TEX51: variants seen among roughly 807,000 people sequenced by gnomAD.
TEX51 encodes testis expressed 51, also known as testis-expressed protein 51.
Under a neutral mutation model 8.0 loss-of-function variants are expected in TEX51, and 14 were observed. The ratio of observed to expected loss-of-function variants is 1.76; its 90% confidence interval spans 1.16 to 2.75. The LOEUF is 2.75. Ranked by LOEUF, TEX51 falls within the 30% of genes most tolerant of loss-of-function variation. The pLI, the probability that TEX51 is intolerant of heterozygous loss-of-function variation, is 0.00. For missense variants in TEX51, 142 were observed against 77.4 expected, an observed-to-expected ratio of 1.83 and a Z score of -3.13; for synonymous variants, 58 against 28.6, an observed-to-expected ratio of 2.03 and a Z score of -3.29.
chr2:126,899,744 C>T (rs1010803269), intron 3 of TEX51, 132 bp downstream of exon 3: 7 of 700,404 alleles, frequency 1.0e-5, no homozygotes, highest in East Asian at 5.4e-5. Flanking sequence ...AATGCCTTCC[C>T]GGCTCCATCT....
intron 4 of TEX51, among the ~76,000 whole-genome samples, chr2:126,900,355 C>T (rs535262308): frequency 7.4e-4 from 111 of 150,340 alleles, no homozygotes; most frequent in African/African-American, 2.6e-3. Context: ...GATCATGCCA[C>T]TGCACTCCAG....
At chr2:126,901,137 T>C in intron 4 of TEX51, 73 bp from the exon 5 acceptor site, 2 of 600,034 alleles carry the variant, frequency 3.3e-6, no homozygotes. Context: ...AATGAGAGGA[T>C]GGTGGCCTTC....
intron 5 of TEX51, 28 bp downstream of exon 5, chr2:126,901,306 G>A (rs1278948363): frequency 1.4e-6 from 1 of 701,240 alleles, no homozygotes; most frequent in Non-Finnish European, 2.6e-6. Context: ...CCAAGCCCCA[G>A]CATCCCCAGG....
Position 126,899,601 on chromosome 2 carries a change from T to C in TEX51, c.299T>C (p.Leu100Pro). 1.4e-6 allele frequency: 1 copy of C among 701,962 alleles called. No homozygotes were observed. Among genetic ancestry groups the C allele is most frequent in the African/African-American group, 1.7e-5 (1 of 57,322 alleles). 43.5% of individuals were successfully genotyped at this position (701,962 alleles called of 1,614,324 possible). A position where few individuals can be genotyped will look rare whatever the true frequency, so the allele number is the denominator to read the frequency against. ...TERLNKISDGLKEKDIQSTLK... is the reference protein window; with the variant it reads ...TERLNKISDGPKEKDIQSTLK... ...AGGCTGAATAAGATATCTGATGGGC[T>C]GAAGGAGAAGGGTAAGGGGTGGGGA... Residue 100 changes from leucine to proline, a missense_variant, in exon 3 of 7, where the codon CTG (leucine) becomes CCG (proline). Leu to Pro is a moderately conservative substitution (Grantham distance 98). Transcript: ENST00000568484.
chr2:126,900,754 G>T (rs367593995), intron 4 of TEX51, among the ~76,000 whole-genome samples: 4 of 152,114 alleles, frequency 2.6e-5, no homozygotes, highest in African/African-American at 9.7e-5. Context: ...ACCAGCAGTG[G>T]TTCCCAAATG....
At chr2:126,900,097 C>CT in intron 4 of TEX51, 78 bp downstream of exon 4, 1 of 693,624 alleles carries the variant, frequency 1.4e-6, no homozygotes, top group South Asian at 1.5e-5. Flanking sequence ...CTGTCATTCT[C>CT]TTTTGCCCAA....
chr2:126,899,517 A>G lies in TEX51; in HGVS notation c.221-6A>G. On this transcript the variant is annotated splice_polypyrimidine_tract_variant and splice_region_variant and intron_variant, in intron 2 of 6. Coordinates refer to ENST00000568484, the MANE Select transcript of TEX51 (RefSeq NM_001322244.2). ...CTGAACACCCCTTCCCTCCTGCTCT[A>G]CCCAGATAAAACAGTACTTCTGGAA... is the stretch of plus-strand genomic sequence containing the variant. The G allele has an allele frequency of 1.4e-6, 1 of 694,684 alleles. No individual in the cohort carries two copies. The allele number at this position is 694,684 out of a possible 1,614,324, so 43.0% of individuals were successfully genotyped here. A position where few individuals can be genotyped will look rare whatever the true frequency, so the allele number is the denominator to read the frequency against.
At chr2:126,900,931 G>A (rs1680297098) in intron 4 of TEX51, among the ~76,000 whole-genome samples, 1 of 152,166 alleles carries the variant, frequency 6.6e-6, no homozygotes, top group Non-Finnish European at 1.5e-5. Flanking sequence ...TCAGACTCCT[G>A]TTTTCTAAGA....
chr2:126,899,802 C>A, intron 3 of TEX51, 134 bp from the exon 4 acceptor site: 1 of 702,232 alleles, frequency 1.4e-6, no homozygotes, highest in Non-Finnish European at 2.6e-6. Context: ...TCCCCAGCAC[C>A]TCAGTTTCTC....
In TEX51 at chr2:126,898,947, T is replaced by C. The variant is rs1229692420; in HGVS notation, c.29T>C (p.Leu10Pro). 4 of 701,064 alleles carry C rather than the reference T, an allele frequency of 5.7e-6. No individual in the cohort carries two copies. Among genetic ancestry groups the C allele is most frequent in the South Asian group, 4.4e-5 (3 of 67,538 alleles). 43.4% of individuals were successfully genotyped at this position (701,064 alleles called of 1,614,324 possible). A position where few individuals can be genotyped will look rare whatever the true frequency, so the allele number is the denominator to read the frequency against. Reference protein sequence around the residue: MLPLLIICLLPAIEGKNCLR... With the variant: MLPLLIICLPPAIEGKNCLR... ...CTGCCTCTCCTGATCATCTGTCTCC[T>C]GCCTGCCATTGAAGGGAAGAACTGC... Residue 10 changes from leucine to proline, a missense_variant, in exon 1 of 7, where the codon CTG becomes CCG. Physicochemically the swap from Leu to Pro is moderately conservative, Grantham distance 98. Coordinates refer to ENST00000568484, the MANE Select transcript of TEX51 (RefSeq NM_001322244.2).
In TEX51 at chr2:126,901,291, C is replaced by T. The variant is rs73956153; in HGVS notation, c.463+13C>T. 1,143 of 699,890 alleles carry T rather than the reference C, an allele frequency of 1.6e-3. 8 individuals are homozygous for T. The highest frequency in any genetic ancestry group is 0.014 in the African/African-American group (783 of 57,296). The allele number at this position is 699,890 out of a possible 1,614,324, so 43.4% of individuals were successfully genotyped here. A position where few individuals can be genotyped will look rare whatever the true frequency, so the allele number is the denominator to read the frequency against. On this transcript the variant is annotated intron_variant, in intron 5 of 6. Transcript: ENST00000568484. The stretch of plus-strand genomic sequence containing the variant: ...GCCATAGCTGGAGGTGGGTGAGTGA[C>T]CTCTCCAAGCCCCAGCATCCCCAGG...
intron 3 of TEX51, 132 bp downstream of exon 3, chr2:126,899,744 C>G: frequency 1.4e-6 from 1 of 700,522 alleles, no homozygotes; most frequent in East Asian, 2.7e-5. Context: ...AATGCCTTCC[C>G]GGCTCCATCT....
intron 4 of TEX51, among the ~76,000 whole-genome samples, chr2:126,900,734 C>T (rs1680286610): frequency 6.6e-6 from 1 of 152,156 alleles, no homozygotes; most frequent in Non-Finnish European, 1.5e-5. Context: ...CATGACACTC[C>T]CTGCTTATAA....
At position 126,898,893 on chromosome 2, in the gene TEX51, G is replaced by T; in HGVS notation, c.-26G>T. 2 of 691,202 alleles carry T rather than the reference G, an allele frequency of 2.9e-6. No homozygotes were observed. Among genetic ancestry groups the T allele is most frequent in the Non-Finnish European group, 2.6e-6 (1 of 377,620 alleles). The allele number at this position is 691,202 out of a possible 1,614,324, so 42.8% of individuals were successfully genotyped here. ...ACGTGGAACTTCCAGGCAGGGCACT[G>T]GGGCACAGTAGGAGGAACCCAGAAG... On this transcript the variant is annotated 5_prime_UTR_variant, in exon 1 of 7. Transcript: ENST00000568484.
At position 126,899,979 on chromosome 2, in the gene TEX51, G is replaced by A. The variant is rs1215688005; in HGVS notation, c.354G>A (p.Arg118=). ...TLKVTSCADC[R]THFLSCNDPT... ...AGGTCACCAGCTGTGCTGACTGCAG[G>A]ACTCACTTCCTCTCCTGCAATGACC... The change falls in exon 4 of 7, where the codon AGG becomes AGA. Residue 118 remains arginine (R), a synonymous_variant. Transcript: ENST00000568484. The A allele has an allele frequency of 1.4e-6, 1 of 701,562 alleles. No individual in the cohort carries two copies. Among genetic ancestry groups the A allele is most frequent in the South Asian group, 1.5e-5 (1 of 67,540 alleles). 43.5% of individuals were successfully genotyped at this position (701,562 alleles called of 1,614,324 possible).
rs11675698 is a variant in TEX51, at chr2:126,901,955, G to T, written c.*86G>T. ...CAAAGTTCACTCATCTCTGGGTCCC[G>T]GTGACCCCATCCCCCCATACCCTCC... is the stretch of plus-strand genomic sequence containing the variant. On this transcript the variant is annotated 3_prime_UTR_variant, in exon 7 of 7. Transcript: ENST00000568484. 1.5e-6 allele frequency: 1 copy of T among 663,904 alleles called. No individual in the cohort carries two copies. The highest frequency in any genetic ancestry group is 2.2e-5 in the Admixed American group (1 of 45,574). 41.1% of individuals were successfully genotyped at this position (663,904 alleles called of 1,614,324 possible). A position where few individuals can be genotyped will look rare whatever the true frequency, so the allele number is the denominator to read the frequency against.
intron 6 of TEX51, chr2:126,901,634 C>T: frequency 1.7e-6 from 1 of 599,672 alleles, no homozygotes; most frequent in South Asian, 2.0e-5. Context: ...AAGCTCCAGG[C>T]CTCCCATCCT....
chr2:126,899,764 A>G lies in TEX51; in HGVS notation c.310+152A>G, dbSNP rs764483322. 9 of 700,798 alleles carry G rather than the reference A, an allele frequency of 1.3e-5. No individual in the cohort carries two copies. The Middle Eastern group carries it at 1.6e-3, about 125-fold the overall frequency. The allele number at this position is 700,798 out of a possible 1,614,324, so 43.4% of individuals were successfully genotyped here. On this transcript the variant is annotated intron_variant, in intron 3 of 6. Transcript: ENST00000568484. ...CTTCCCGGCTCCATCTCCTACTTGC[A>G]CCCCAGAACCCCTTGGCTCTGTCTG... is the stretch of plus-strand genomic sequence containing the variant.
At chr2:126,900,868 G>C (rs1680294057) in intron 4 of TEX51, among the ~76,000 whole-genome samples, 1 of 152,162 alleles carries the variant, frequency 6.6e-6, no homozygotes, top group Admixed American at 6.5e-5. Flanking sequence ...TCCTGTGCCG[G>C]GGACACAGCC....
Sources: gnomAD v4.1 joint callset for allele counts (sites outside exome capture counted in the v4.1 genomes callset) on GRCh38, gnomAD v4.1.1 for gene constraint, MANE v1.5 for transcripts, NCBI Gene and HGNC (gene_info 2026-07-23, HGNC 2026-07-21) for gene names.